The following PKP2 variants were observed in gnomAD, a reference collection of about 807,000 sequenced individuals.
The protein encoded by PKP2 is plakophilin-2.
In PKP2, 73 loss-of-function variants were observed where a neutral mutation model predicts 83.4. The ratio of observed to expected loss-of-function variants is 0.88; its 90% CI spans 0.72 to 1.06. PKP2 has a LOEUF of 1.06. Ranked by LOEUF, PKP2 falls within the 50% of genes least tolerant of loss-of-function variation. PKP2 has a pLI of 0.00. For synonymous variants in PKP2, 409 were observed against 430.4 expected (o/e 0.95, Z 0.62); for missense variants, 966 against 1,065.4 (o/e 0.91, Z 1.30).
intron 1 of PKP2, among the ~76,000 whole-genome samples, chr12:32,885,888 C>T (rs1297087677): frequency 6.6e-6 from 1 of 152,162 alleles, no homozygotes; most frequent in Non-Finnish European, 1.5e-5. Context: ...ATATAGCCTG[C>T]TTCTATTAGA....
chr12:32,803,890 A>C (rs1344234907), intron 9 of PKP2, among the ~76,000 whole-genome samples: 1 of 152,238 alleles, frequency 6.6e-6, no homozygotes, highest in Non-Finnish European at 1.5e-5. Flanking sequence ...CCATGTGGAC[A>C]ATCTGTGGTT....
At chr12:32,798,383 G>A (rs965472712) in intron 10 of PKP2, among the ~76,000 whole-genome samples, 2 of 151,638 alleles carry the variant, frequency 1.3e-5, no homozygotes, top group African/African-American at 4.8e-5. Context: ...GAGCCACTGC[G>A]CCTGGCCTAC....
intron 9 of PKP2, 107 bp from the exon 10 acceptor site, chr12:32,802,663 TATTTA>T: frequency 1.0e-6 from 1 of 986,024 alleles, no homozygotes; most frequent in Non-Finnish European, 1.6e-6. Context: ...ATTTTTATCT[TATTTA>T]TTTATTTTGA....
intron 6 of PKP2, among the ~76,000 whole-genome samples, chr12:32,840,158 G>A (rs1299905012): frequency 6.6e-6 from 1 of 152,218 alleles, no homozygotes; most frequent in Non-Finnish European, 1.5e-5. Context: ...GGTGGGACCT[G>A]AGAATTCTAA....
chr12:32,851,651 G>A (rs1956697478), intron 4 of PKP2, among the ~76,000 whole-genome samples: 2 of 152,238 alleles, frequency 1.3e-5, no homozygotes, highest in South Asian at 4.1e-4. Context: ...TGTATTTTTA[G>A]TAGAGATGGG....
intron 1 of PKP2, among the ~76,000 whole-genome samples, chr12:32,887,934 C>T (rs1474559871): frequency 6.6e-6 from 1 of 152,132 alleles, no homozygotes; most frequent in East Asian, 1.9e-4. Context: ...AATCCCAGCA[C>T]TTTGGGAGGT....
chr12:32,847,417 G>A (rs1468932735), intron 5 of PKP2, among the ~76,000 whole-genome samples: 1 of 152,184 alleles, frequency 6.6e-6, no homozygotes, highest in Non-Finnish European at 1.5e-5. Flanking sequence ...ATGATCTAAT[G>A]ATGCCTGAAT....
chr12:32,830,147 A>G (rs1455009261), intron 6 of PKP2, among the ~76,000 whole-genome samples: 1 of 152,244 alleles, frequency 6.6e-6, no homozygotes, highest in African/African-American at 2.4e-5. Flanking sequence ...GTCTATTCCA[A>G]GACTAAGTAG....
chr12:32,843,426 G>A, intron 5 of PKP2: 2 of 698,976 alleles, frequency 2.9e-6, no homozygotes, highest in Non-Finnish European at 4.7e-6. Flanking sequence ...CCTGAAATAA[G>A]AGCCTGTATA....
chr12:32,798,235 C>A (rs529667833), intron 10 of PKP2, among the ~76,000 whole-genome samples: 55 of 150,892 alleles, frequency 3.6e-4, no homozygotes, highest in African/African-American at 1.3e-3. Context: ...CAGGTACGCA[C>A]CACCATGCCC....
intron 4 of PKP2, 97 bp downstream of exon 4, chr12:32,868,830 T>A: frequency 7.1e-7 from 1 of 1,400,760 alleles, no homozygotes; most frequent in East Asian, 2.3e-5. Context: ...TCCCAATTTT[T>A]AAAAATTTAA....
chr12:32,839,857 G>C (rs1402685820), intron 6 of PKP2, among the ~76,000 whole-genome samples: 1 of 152,152 alleles, frequency 6.6e-6, no homozygotes, highest in East Asian at 1.9e-4. Context: ...TTCGAGGAAG[G>C]CCACTTAGGC....
intron 3 of PKP2, among the ~76,000 whole-genome samples, chr12:32,876,457 T>G (rs1328117357): frequency 1.3e-5 from 2 of 152,206 alleles, no homozygotes; most frequent in Non-Finnish European, 2.9e-5. Flanking sequence ...ATGGTAGGCA[T>G]TCCATAAATT....
chr12:32,802,180 A>ATT lies in PKP2; in HGVS notation c.2167+221_2167+222dup, dbSNP rs11459735. On this transcript the variant is annotated intron_variant, in intron 10 of 12. Coordinates refer to ENST00000340811, the MANE Select transcript of PKP2 (RefSeq NM_001005242.3). ...GCTCTAAAATTTCTCTTTTGTAGTA[A>ATT]TTTTTTTTTTAAATGTTGGATATTT... is the stretch of plus-strand genomic sequence containing the variant. Among the ~76,000 whole-genome samples the ATT allele has an allele frequency of 0.17, 26,018 of 150,564 alleles. 3,265 individuals are homozygous for ATT. Among genetic ancestry groups the ATT allele is most frequent in the African/African-American group, 0.36 (14,887 of 41,088 alleles).
At chr12:32,803,581 A>G (rs1323006873) in intron 9 of PKP2, among the ~76,000 whole-genome samples, 1 of 152,182 alleles carries the variant, frequency 6.6e-6, no homozygotes, top group Non-Finnish European at 1.5e-5. Flanking sequence ...CTATTTGTGT[A>G]ATACAAGTAA....
chr12:32,824,504 CATT>C (rs1956414937), intron 6 of PKP2: 2 of 333,092 alleles, frequency 6.0e-6, no homozygotes, highest in Admixed American at 8.6e-5. Flanking sequence ...GCACATTAGA[CATT>C]ATAATATACT....
intron 9 of PKP2, among the ~76,000 whole-genome samples, chr12:32,808,513 A>G (rs1469485953): frequency 1.3e-5 from 2 of 152,274 alleles, no homozygotes; most frequent in East Asian, 3.9e-4. Context: ...CCACCTTCTG[A>G]AGCCTACTTC....
Position 32,893,114 on chromosome 12 carries a change from G to A in PKP2, c.223+3395C>T, listed in dbSNP as rs557612670. Among the ~76,000 whole-genome samples, 19 of 152,204 alleles carry A rather than the reference G, an allele frequency of 1.2e-4. No individual in the cohort carries two copies. The South Asian group carries it at 3.9e-3, about 32-fold the overall frequency. ...ATGAAAACCACCCAGCTATACTAAG[G>A]CATTGGAAAGAAGACAAAGGGTTAA... On this transcript the variant is annotated intron_variant, in intron 1 of 12. Coordinates refer to ENST00000340811, the MANE Select transcript of PKP2 (RefSeq NM_001005242.3).
chr12:32,866,016 T>G (rs1372385302), intron 4 of PKP2, among the ~76,000 whole-genome samples: 3 of 151,398 alleles, frequency 2.0e-5, no homozygotes, highest in Non-Finnish European at 1.5e-5. Flanking sequence ...GCAGAAACCA[T>G]AAAGGGAAAA....
Sources: allele counts gnomAD v4.1 joint callset (sites outside exome capture counted in the v4.1 genomes callset), GRCh38; gene constraint gnomAD v4.1.1; transcripts MANE v1.5; gene names NCBI Gene and HGNC (gene_info 2026-07-23, HGNC 2026-07-21).